The following TRPC4 variants were observed in gnomAD, a reference collection of about 807,000 sequenced individuals.
TRPC4 encodes transient receptor potential cation channel subfamily C member 4.
TRPC4 carries 49 observed loss-of-function variants against 99.4 expected under a neutral mutation model. That is an observed-to-expected ratio of 0.49 (90% CI 0.39 to 0.63). The LOEUF is 0.63. Among genes scored for constraint, TRPC4 ranks in the 20% least tolerant of loss-of-function variants. The pLI is 0.00. For synonymous variants in TRPC4, 454 were observed against 425.9 expected (o/e 1.07, Z -0.81); for missense variants, 898 against 1,152.9 (o/e 0.78, Z 3.20).
chr13:37,741,487 A>T (rs540143803), intron 3 of TRPC4, among the ~76,000 whole-genome samples: 69 of 152,284 alleles, frequency 4.5e-4, no homozygotes, highest in African/African-American at 1.3e-3. Context: ...GATGATTGGC[A>T]TCGGGATGGG....
At chr13:37,856,604 C>T (rs765439065) in intron 1 of TRPC4, among the ~76,000 whole-genome samples, 2 of 151,328 alleles carry the variant, frequency 1.3e-5, no homozygotes, top group Non-Finnish European at 3.0e-5. Context: ...GCCAATATCT[C>T]TGATGAATAT....
chr13:37,854,460 G>C (rs957350483), intron 1 of TRPC4, among the ~76,000 whole-genome samples: 9 of 152,010 alleles, frequency 5.9e-5, no homozygotes, highest in Non-Finnish European at 1.3e-4. Flanking sequence ...AAATGGTGTT[G>C]ATGATCAAGA....
At chr13:37,696,479 T>A (rs1399976631) in intron 3 of TRPC4, among the ~76,000 whole-genome samples, 1 of 152,232 alleles carries the variant, frequency 6.6e-6, no homozygotes, top group East Asian at 1.9e-4. Flanking sequence ...CAACTTATTT[T>A]TCTAGTTTGA....
At chr13:37,695,743 A>G (rs557784879) in intron 3 of TRPC4, among the ~76,000 whole-genome samples, 1 of 152,374 alleles carries the variant, frequency 6.6e-6, no homozygotes, top group African/African-American at 2.4e-5. Flanking sequence ...TATTATTTAT[A>G]GAATCACTGA....
At chr13:37,738,837 A>G (rs897936769) in intron 3 of TRPC4, among the ~76,000 whole-genome samples, 1 of 152,120 alleles carries the variant, frequency 6.6e-6, no homozygotes, top group African/African-American at 2.4e-5. Flanking sequence ...TCCACATAAG[A>G]CTGTTGTGGC....
At chr13:37,762,097 A>G (rs12586046) in intron 2 of TRPC4, among the ~76,000 whole-genome samples, 15,350 of 151,900 alleles carry the variant, frequency 0.1, 878 homozygotes, top group Admixed American at 0.17. Flanking sequence ...TGAATCACTA[A>G]AGGAACTTGA....
intron 1 of TRPC4, among the ~76,000 whole-genome samples, chr13:37,785,195 G>A (rs1956938010): frequency 6.6e-6 from 1 of 152,056 alleles, no homozygotes; most frequent in South Asian, 2.1e-4. Flanking sequence ...CTATGTCATT[G>A]TAGTTATCTG....
chr13:37,753,519 T>C lies in TRPC4; in HGVS notation c.379-7064A>G, dbSNP rs1447025861. The stretch of plus-strand genomic sequence containing the variant: ...GCCATGGAAAAGGAAAGGATATGAT[T>C]GCACCCTGCCAGACAGGAAAGATGA... On this transcript the variant is annotated intron_variant, in intron 2 of 10. Coordinates refer to ENST00000379705, the MANE Select transcript of TRPC4 (RefSeq NM_016179.4). Among the ~76,000 whole-genome samples, 5 of 146,238 alleles carry C rather than the reference T, an allele frequency of 3.4e-5. No homozygotes were observed. The East Asian group carries it at 1.0e-3, about 30-fold the overall frequency.
chr13:37,636,828 A>G lies in TRPC4; in HGVS notation c.*75T>C, dbSNP rs1319369548. 2.0e-5 allele frequency: 31 copies of G among 1,516,112 alleles called. No homozygotes were observed. Among genetic ancestry groups the G allele is most frequent in the South Asian group, 5.3e-5 (4 of 74,892 alleles). The allele number at this position is 1,516,112 out of a possible 1,614,324, so 93.9% of individuals were successfully genotyped here. A position where few individuals can be genotyped will look rare whatever the true frequency, so the allele number is the denominator to read the frequency against. On this transcript the variant is annotated 3_prime_UTR_variant, in exon 11 of 11. Coordinates refer to ENST00000379705, the MANE Select transcript of TRPC4 (RefSeq NM_016179.4). ...GTGTAAGTTAGCATTTGCTAATACA[A>G]TTTAAACATTTTCCCCCACCCAGAG... is the stretch of plus-strand genomic sequence containing the variant.
At chr13:37,794,682 A>C (rs1312679358) in intron 1 of TRPC4, among the ~76,000 whole-genome samples, 1 of 152,136 alleles carries the variant, frequency 6.6e-6, no homozygotes, top group Non-Finnish European at 1.5e-5. Context: ...ACACTTTACT[A>C]ACTTTGTCAC....
At chr13:37,799,434 C>T (rs1468136725) in intron 1 of TRPC4, among the ~76,000 whole-genome samples, 2 of 152,130 alleles carry the variant, frequency 1.3e-5, no homozygotes, top group South Asian at 2.1e-4. Context: ...TGACTGTCTA[C>T]ATTTTTTATT....
rs746638345 is a variant in TRPC4 at position 37,637,528 on chromosome 13, T to C, written c.2309A>G (p.Glu770Gly). The change falls in exon 11 of 11, where the codon GAG becomes GGG. Residue 770 changes from glutamate to glycine, a missense_variant. Glu to Gly is a moderately conservative substitution (Grantham distance 98). Transcript: ENST00000379705. ...STIQSANASK[E>G]SSNSADSDEK... Reference sequence around the variant, plus strand: ...ATCTGAGTCTGCCGAATTTGAAGACTCCTTCGAGGCATTCGCAGATTGTAT... The same window carrying C: ...ATCTGAGTCTGCCGAATTTGAAGACCCCTTCGAGGCATTCGCAGATTGTAT... 3 of 1,613,788 alleles carry C rather than the reference T, an allele frequency of 1.9e-6. No homozygotes were observed. Among genetic ancestry groups the C allele is most frequent in the Non-Finnish European group, 2.5e-6 (3 of 1,179,758 alleles).
intron 2 of TRPC4, among the ~76,000 whole-genome samples, chr13:37,751,921 T>C (rs967723234): frequency 4.6e-5 from 7 of 151,220 alleles, no homozygotes; most frequent in Non-Finnish European, 7.4e-5. Flanking sequence ...AAGAAATGAA[T>C]ATTTGCAGCG....
intron 3 of TRPC4, among the ~76,000 whole-genome samples, chr13:37,745,392 G>A (rs1955709135): frequency 6.9e-6 from 1 of 145,658 alleles, no homozygotes; most frequent in Non-Finnish European, 1.5e-5. Flanking sequence ...CAAGGATGCG[G>A]AACCTGCAGA....
At chr13:37,774,970 G>T (rs925313096) in intron 2 of TRPC4, among the ~76,000 whole-genome samples, 1 of 7,852 alleles carries the variant, frequency 1.3e-4, no homozygotes, top group African/African-American at 1.4e-4. Context: ...CAGTATTATG[G>T]TTAATGAAAT....
intron 1 of TRPC4, among the ~76,000 whole-genome samples, chr13:37,866,333 G>C (rs1243438415): frequency 6.6e-6 from 1 of 151,592 alleles, no homozygotes; most frequent in Non-Finnish European, 1.5e-5. Context: ...AATATTAATA[G>C]GATATTACAT....
chr13:37,637,451 G>A lies in TRPC4; in HGVS notation c.2386C>T (p.Leu796Phe). The change falls in exon 11 of 11, where the codon CTT (leucine) becomes TTT (phenylalanine). Residue 796 changes from leucine (L) to phenylalanine (F), a missense_variant. Leu to Phe is a conservative substitution (Grantham distance 22). Coordinates refer to ENST00000379705, the MANE Select transcript of TRPC4 (RefSeq NM_016179.4). Reference sequence around the variant, plus strand: ...TGAATCAGGGTGGTTAAATCAAAAAGGCTGAAATTCTTTTTCTTGTCCTTG... The same window carrying A: ...TGAATCAGGGTGGTTAAATCAAAAAAGCTGAAATTCTTTTTCTTGTCCTTG... ...NSKDKKKNFS[L>F]FDLTTLIHPR... 8.7e-6 allele frequency: 14 copies of A among 1,613,576 alleles called. No homozygotes were observed. The highest frequency in any genetic ancestry group is 1.1e-5 in the Non-Finnish European group (13 of 1,179,776).
At chr13:37,829,655 A>T (rs1434335327) in intron 1 of TRPC4, among the ~76,000 whole-genome samples, 2 of 152,184 alleles carry the variant, frequency 1.3e-5, no homozygotes, top group East Asian at 3.9e-4. Context: ...ATACACTCAA[A>T]TTAAATGAAA....
At chr13:37,864,865 G>T (rs1424918256) in intron 1 of TRPC4, among the ~76,000 whole-genome samples, 1 of 151,654 alleles carries the variant, frequency 6.6e-6, no homozygotes, top group Non-Finnish European at 1.5e-5. Flanking sequence ...GAAACAAAAA[G>T]GTAGAAGTTA....
Sources: gnomAD v4.1 joint callset for allele counts (sites outside exome capture counted in the v4.1 genomes callset) on GRCh38, gnomAD v4.1.1 for gene constraint, MANE v1.5 for transcripts, NCBI Gene and HGNC (gene_info 2026-07-23, HGNC 2026-07-21) for gene names.